WWOX: variants seen among roughly 807,000 people sequenced by gnomAD.
The protein encoded by WWOX is WW domain containing oxidoreductase.
Under a neutral mutation model 46.2 loss-of-function variants are expected in WWOX, and 69 were observed. The ratio of observed to expected loss-of-function variants is 1.49; its 90% CI spans 1.23 to 1.82. The LOEUF is 1.82. WWOX is among the 40% of genes most tolerant of loss of function. WWOX has a pLI of 0.00. For synonymous variants in WWOX, 359 were observed against 202.6 expected (o/e 1.77, Z -6.56); for missense variants, 919 against 542.6 (o/e 1.69, Z -6.89).
At chr16:78,298,267 C>G (rs2079974517) in intron 5 of WWOX, among the ~76,000 whole-genome samples, 1 of 152,128 alleles carries the variant, frequency 6.6e-6, no homozygotes, top group Non-Finnish European at 1.5e-5. Flanking sequence ...AGCCTGCAGA[C>G]TGGGCCATCT....
intron 8 of WWOX, among the ~76,000 whole-genome samples, chr16:78,773,560 T>C (rs2050118240): frequency 1.3e-5 from 2 of 152,200 alleles, no homozygotes; most frequent in Admixed American, 1.3e-4. Context: ...CTTAGACTAG[T>C]GGGGCTCTCA....
intron 6 of WWOX, among the ~76,000 whole-genome samples, chr16:78,389,504 GC>G (rs1457415862): frequency 6.6e-6 from 1 of 152,188 alleles, no homozygotes; most frequent in Non-Finnish European, 1.5e-5. Context: ...AGCGGAGTCA[GC>G]AGCTCATTTA....
intron 8 of WWOX, among the ~76,000 whole-genome samples, chr16:79,043,283 C>G (rs942013681): frequency 4.1e-5 from 6 of 147,102 alleles, no homozygotes; most frequent in Non-Finnish European, 9.0e-5. Flanking sequence ...AAACCTCTAC[C>G]AGATGAATAG....
chr16:78,279,337 A>G (rs2079636593), intron 5 of WWOX, among the ~76,000 whole-genome samples: 1 of 152,212 alleles, frequency 6.6e-6, no homozygotes, highest in South Asian at 2.1e-4. Flanking sequence ...ATTCTCCTAT[A>G]AAATATGAGT....
intron 8 of WWOX, among the ~76,000 whole-genome samples, chr16:79,048,952 G>C (rs2048115904): frequency 6.6e-6 from 1 of 152,172 alleles, no homozygotes; most frequent in South Asian, 2.1e-4. Flanking sequence ...AAACACAGGT[G>C]TCCACTGGAG....
At chr16:78,564,305 T>C (rs991649750) in intron 8 of WWOX, among the ~76,000 whole-genome samples, 2 of 152,234 alleles carry the variant, frequency 1.3e-5, no homozygotes, top group Non-Finnish European at 1.5e-5. Context: ...AAATGTGTAG[T>C]GTTTGCCCTT....
intron 8 of WWOX, among the ~76,000 whole-genome samples, chr16:78,791,934 A>G (rs1465234747): frequency 6.6e-6 from 1 of 152,142 alleles, no homozygotes; most frequent in Non-Finnish European, 1.5e-5. Context: ...TACATAGAAG[A>G]GGCCTTCTCT....
At chr16:78,826,465 G>A (rs141922795) in intron 8 of WWOX, among the ~76,000 whole-genome samples, 26 of 152,296 alleles carry the variant, frequency 1.7e-4, no homozygotes, top group South Asian at 1.5e-3. Context: ...TGCATCTTTC[G>A]TTTCTGGTGG....
chr16:78,807,624 T>A (rs559696644), intron 8 of WWOX, among the ~76,000 whole-genome samples: 1 of 152,242 alleles, frequency 6.6e-6, no homozygotes, highest in Non-Finnish European at 1.5e-5. Flanking sequence ...GAGCATTTTA[T>A]GGCTTATGGA....
chr16:78,481,229 C>A (rs1359029472), intron 8 of WWOX, among the ~76,000 whole-genome samples: 1 of 152,102 alleles, frequency 6.6e-6, no homozygotes, highest in Non-Finnish European at 1.5e-5. Flanking sequence ...CTTAATTTTT[C>A]TAACTGATGA....
intron 5 of WWOX, among the ~76,000 whole-genome samples, chr16:78,249,410 A>G (rs1053998815): frequency 1.3e-5 from 2 of 152,214 alleles, no homozygotes; most frequent in African/African-American, 4.8e-5. Flanking sequence ...TAGTGATAGT[A>G]GCTACCTCCA....
In WWOX at chr16:78,112,512, G is replaced by C. The variant is rs576653691; in HGVS notation, c.231-2464G>C. Among the ~76,000 whole-genome samples, 26 of 152,248 alleles carry C rather than the reference G, an allele frequency of 1.7e-4. No homozygotes were observed. The South Asian group carries it at 5.4e-3, about 32-fold the overall frequency. On this transcript the variant is annotated intron_variant, in intron 3 of 8. Coordinates refer to ENST00000566780, the MANE Select transcript of WWOX (RefSeq NM_016373.4). ...AAGCTTGCTTGAGAGAAGTCTCCCA[G>C]GCCACCATAGGCAGCCCCAGGAAGA... is the stretch of plus-strand genomic sequence containing the variant.
At chr16:78,748,536 G>A (rs1479723508) in intron 8 of WWOX, among the ~76,000 whole-genome samples, 5 of 152,148 alleles carry the variant, frequency 3.3e-5, no homozygotes, top group Non-Finnish European at 1.5e-5. Flanking sequence ...CATCTTGGCA[G>A]CAAGCCTGCT....
At chr16:78,910,084 C>A (rs953007530) in intron 8 of WWOX, among the ~76,000 whole-genome samples, 1 of 152,148 alleles carries the variant, frequency 6.6e-6, no homozygotes, top group Non-Finnish European at 1.5e-5. Context: ...TATCATTTTT[C>A]ATGTGTAGAT....
intron 5 of WWOX, among the ~76,000 whole-genome samples, chr16:78,288,724 C>T (rs73572498): frequency 0.018 from 2,736 of 152,178 alleles, 99 homozygotes; most frequent in African/African-American, 0.062. Flanking sequence ...TTTCCTTTAT[C>T]GGAACCTCCT....
At chr16:78,461,972 A>G (rs1567587181) in intron 8 of WWOX, among the ~76,000 whole-genome samples, 1 of 152,232 alleles carries the variant, frequency 6.6e-6, no homozygotes, top group Non-Finnish European at 1.5e-5. Context: ...AAGGACCCTC[A>G]ACAGACCATT....
At chr16:78,284,962 C>G (rs1324206826) in intron 5 of WWOX, among the ~76,000 whole-genome samples, 1 of 152,210 alleles carries the variant, frequency 6.6e-6, no homozygotes, top group Non-Finnish European at 1.5e-5. Flanking sequence ...CCTCTGCTGT[C>G]TATTTAGGGA....
intron 8 of WWOX, among the ~76,000 whole-genome samples, chr16:78,911,913 T>C (rs2045122164): frequency 6.6e-6 from 1 of 151,952 alleles, no homozygotes; most frequent in African/African-American, 2.4e-5. Context: ...ATTCTCAAGC[T>C]TAGTGTGTGC....
intron 5 of WWOX, among the ~76,000 whole-genome samples, chr16:78,190,311 G>A (rs562975028): frequency 8.5e-5 from 13 of 152,280 alleles, no homozygotes; most frequent in African/African-American, 2.2e-4. Flanking sequence ...GAAAGGTGAC[G>A]TCAATCTGAG....
Sources: allele counts gnomAD v4.1 joint callset (sites outside exome capture counted in the v4.1 genomes callset), GRCh38; gene constraint gnomAD v4.1.1; transcripts MANE v1.5; gene names NCBI Gene and HGNC (gene_info 2026-07-23, HGNC 2026-07-21).